PAPOLA: variants seen among roughly 807,000 people sequenced by gnomAD.
PAPOLA encodes the protein poly(A) polymerase alpha.
A neutral mutation model predicts 100.6 loss-of-function variants in PAPOLA; 15 were observed. That is an observed-to-expected ratio of 0.15 (90% CI 0.10 to 0.23). The LOEUF (loss-of-function observed/expected upper bound fraction) is 0.23, where lower values mean the gene tolerates loss of function less well. PAPOLA is among the 10% of genes least tolerant of loss of function. The pLI, the probability that PAPOLA is intolerant of heterozygous loss-of-function variation, is 1.00. For missense variants in PAPOLA, 533 were observed against 884.2 expected (o/e 0.60, Z 5.04); for synonymous variants, 293 against 300.0 (o/e 0.98, Z 0.24).
chr14:96,557,138 C>G (rs992733856), intron 19 of PAPOLA, among the ~76,000 whole-genome samples: 5 of 152,048 alleles, frequency 3.3e-5, no homozygotes, highest in Non-Finnish European at 7.4e-5. Context: ...CTCTGCCTCC[C>G]GGGCTCAAGC....
intron 16 of PAPOLA, among the ~76,000 whole-genome samples, chr14:96,550,746 A>G (rs747462949): frequency 1.3e-5 from 2 of 152,170 alleles, no homozygotes; most frequent in African/African-American, 2.4e-5. Context: ...TGTATTTGAG[A>G]TCATTTAGAT....
intron 19 of PAPOLA, chr14:96,560,381 G>T: frequency 5.7e-5 from 15 of 265,234 alleles, no homozygotes; most frequent in East Asian, 1.5e-4. Flanking sequence ...ATATTTCTAT[G>T]AACTCTTAGT....
chr14:96,542,492 TA>T (rs915328414), intron 13 of PAPOLA, 196 bp downstream of exon 13: 1 of 557,428 alleles, frequency 1.8e-6, no homozygotes, highest in Non-Finnish European at 3.2e-6. Context: ...TTGTTTGCTT[TA>T]TGGAGATCCG....
chr14:96,550,960 G>T (rs185683468), intron 16 of PAPOLA, among the ~76,000 whole-genome samples: 4 of 152,216 alleles, frequency 2.6e-5, no homozygotes, highest in Admixed American at 2.6e-4. Flanking sequence ...AAACTGAGGG[G>T]TTGAGAACCT....
At chr14:96,526,511 T>C (rs951161899) in intron 4 of PAPOLA, 1 of 152,284 alleles carries the variant, frequency 6.6e-6, no homozygotes, top group East Asian at 1.9e-4. Flanking sequence ...TTTTTAATTT[T>C]ATTTTGGTAG....
intron 14 of PAPOLA, 102 bp from the exon 15 acceptor site, chr14:96,544,047 A>G (rs1900196818): frequency 2.9e-6 from 2 of 688,800 alleles, no homozygotes; most frequent in East Asian, 5.2e-5. Flanking sequence ...GTTTGCTCAT[A>G]CATTTGTATT....
At position 96,520,223 on chromosome 14, in the gene PAPOLA, G is replaced by A. The variant is rs1285652588; in HGVS notation, c.177G>A (p.Gln59=). Residue 59 remains glutamine (Q), a synonymous_variant, in exon 2 of 22, where the codon CAG becomes CAA. Coordinates refer to ENST00000216277, the MANE Select transcript of PAPOLA (RefSeq NM_032632.5). ...TTTTTGAAGAGGAAGAGGAACTGCA[G>A]CGCAGGTAAATAGATATTCTATATT... is the stretch of plus-strand genomic sequence containing the variant. ...FGVFEEEEEL[Q]RRILILGKLN... The A allele has an allele frequency of 1.9e-6, 3 of 1,606,720 alleles. No individual in the cohort carries two copies. Among genetic ancestry groups the A allele is most frequent in the Non-Finnish European group, 2.5e-6 (3 of 1,177,050 alleles).
chr14:96,558,275 A>G (rs1595559385), intron 19 of PAPOLA, among the ~76,000 whole-genome samples: 2 of 152,212 alleles, frequency 1.3e-5, no homozygotes, highest in African/African-American at 4.8e-5. Flanking sequence ...TGGGTTGTGC[A>G]GCAGCTAAAG....
At position 96,509,965 on chromosome 14, in the gene PAPOLA, C is replaced by CTTTTT. The variant is rs11372552; in HGVS notation, c.8+7381_8+7385dup. On this transcript the variant is annotated intron_variant, in intron 1 of 21. Coordinates refer to ENST00000216277, the MANE Select transcript of PAPOLA (RefSeq NM_032632.5). Reference sequence around the variant, plus strand: ...TGGCCAGTACCTTTTGTGGGAGTTGCTTTTTTTTTTTTTTTTTTTTAATCT... The same window carrying CTTTTT: ...TGGCCAGTACCTTTTGTGGGAGTTGCTTTTTTTTTTTTTTTTTTTTTTTTTAATCT... 2.7e-3 allele frequency among the ~76,000 whole-genome samples: 224 copies of CTTTTT among 84,392 alleles called. 5 individuals are homozygous for CTTTTT. Among genetic ancestry groups the CTTTTT allele is most frequent in the African/African-American group, 9.3e-3 (204 of 21,896 alleles). 55.4% of individuals were successfully genotyped at this position (84,392 alleles called of 152,430 possible). A position where few individuals can be genotyped will look rare whatever the true frequency, so the allele number is the denominator to read the frequency against.
chr14:96,503,765 G>T (rs1279713150), intron 1 of PAPOLA, among the ~76,000 whole-genome samples: 1 of 151,866 alleles, frequency 6.6e-6, no homozygotes, highest in African/African-American at 2.4e-5. Flanking sequence ...TGTAAGTAAG[G>T]ATAATTTCTT....
In PAPOLA at chr14:96,566,222, G is replaced by A; in HGVS notation, c.*1172G>A. On this transcript the variant is annotated 3_prime_UTR_variant, in exon 22 of 22. Coordinates refer to ENST00000216277, the MANE Select transcript of PAPOLA (RefSeq NM_032632.5). ...TTAAATGGTTTACCAAAATTTGTCA[G>A]TACATTTTACGTGTAGAAGCATTTT... 3.5e-6 allele frequency: 1 copy of A among 285,630 alleles called. No homozygotes were observed. Among genetic ancestry groups the A allele is most frequent in the Non-Finnish European group, 6.5e-6 (1 of 154,946 alleles). 17.7% of individuals were successfully genotyped at this position (285,630 alleles called of 1,614,324 possible).
chr14:96,527,645 C>A (rs1898606649), intron 5 of PAPOLA, 106 bp downstream of exon 5: 2 of 683,028 alleles, frequency 2.9e-6, no homozygotes, highest in South Asian at 1.8e-5. Context: ...TGCAATTTGC[C>A]AAACCTTTCT....
At chr14:96,509,880 T>C (rs1191409421) in intron 1 of PAPOLA, among the ~76,000 whole-genome samples, 1 of 152,166 alleles carries the variant, frequency 6.6e-6, no homozygotes, top group African/African-American at 2.4e-5. Context: ...TGGCTTTATT[T>C]GCATATATAT....
At position 96,502,400 on chromosome 14, in the gene PAPOLA, C is replaced by T; in HGVS notation, c.-193C>T. ...CAGTTCTAGAACGTTGCTGTGGTAG[C>T]GCTCGGGCGCCATGTTAGGACGAAG... is the stretch of plus-strand genomic sequence containing the variant. On this transcript the variant is annotated 5_prime_UTR_variant, in exon 1 of 22. Transcript: ENST00000216277. 1 of 696,798 alleles carries T rather than the reference C, an allele frequency of 1.4e-6. No individual in the cohort carries two copies. Among genetic ancestry groups the T allele is most frequent in the Non-Finnish European group, 2.6e-6 (1 of 382,368 alleles). The allele number at this position is 696,798 out of a possible 1,614,324, so 43.2% of individuals were successfully genotyped here.
intron 1 of PAPOLA, among the ~76,000 whole-genome samples, chr14:96,505,567 T>C (rs1896651565): frequency 6.6e-6 from 1 of 152,002 alleles, no homozygotes; most frequent in Admixed American, 6.6e-5. Context: ...GGCGAGACAA[T>C]AGCAAAAATG....
chr14:96,531,801 G>GTA, intron 7 of PAPOLA: 1 of 1,436,314 alleles, frequency 7.0e-7, no homozygotes, highest in Non-Finnish European at 9.1e-7. Context: ...GTCATTAATG[G>GTA]TATACTCAGG....
rs575279729 is a variant in PAPOLA at position 96,563,657 on chromosome 14, G to C, written c.2142+764G>C. On this transcript the variant is annotated intron_variant, in intron 21 of 21. Coordinates refer to ENST00000216277, the MANE Select transcript of PAPOLA (RefSeq NM_032632.5). ...TATTTTGCTGCTCCTGTGCAGCTCC[G>C]AGTTATTTTAACGTGATCATTTAAA... 1.9e-4 allele frequency among the ~76,000 whole-genome samples: 29 copies of C among 152,192 alleles called. No individual in the cohort carries two copies. The South Asian group carries it at 6.0e-3, about 32-fold the overall frequency.
intron 1 of PAPOLA, among the ~76,000 whole-genome samples, chr14:96,507,654 A>C (rs1035750777): frequency 6.6e-6 from 1 of 152,180 alleles, no homozygotes; most frequent in Non-Finnish European, 1.5e-5. Context: ...AAAGTTCTTC[A>C]GTTATAATTT....
chr14:96,564,822 C>T, intron 21 of PAPOLA, 133 bp from the exon 22 acceptor site: 1 of 569,312 alleles, frequency 1.8e-6, no homozygotes, highest in Non-Finnish European at 3.2e-6. Context: ...ATTTTGACAA[C>T]ATTATAGAGT....
Sources: gnomAD v4.1 joint callset for allele counts (sites outside exome capture counted in the v4.1 genomes callset) on GRCh38, gnomAD v4.1.1 for gene constraint, MANE v1.5 for transcripts, NCBI Gene and HGNC (gene_info 2026-07-23, HGNC 2026-07-21) for gene names.